UTRN: variants seen among roughly 807,000 people sequenced by gnomAD.
UTRN encodes the protein dystrophin-related protein 1.
Under a neutral mutation model 463.9 loss-of-function variants are expected in UTRN, and 283 were observed. The ratio of observed to expected loss-of-function variants is 0.61; its 90% CI spans 0.55 to 0.67. The LOEUF (loss-of-function observed/expected upper bound fraction) is 0.67, where lower values mean the gene tolerates loss of function less well. Among genes scored for constraint, UTRN ranks in the 30% least tolerant of loss-of-function variants. The pLI, the probability that UTRN is intolerant of heterozygous loss-of-function variation, is 0.00. For missense variants in UTRN, 3,922 were observed against 4,084.3 expected, an observed-to-expected ratio of 0.96 and a Z score of 1.08; for synonymous variants, 1,442 against 1,431.5, an observed-to-expected ratio of 1.01 and a Z score of -0.17.
chr6:144,423,645 T>C lies in UTRN; in HGVS notation c.312+19T>C. ...GAACAATGTAAGTGTGTAATGTGAGTTCTGGGGGTCTGTGCTGCCATCAGC... is the reference window on the plus strand; with the variant it reads ...GAACAATGTAAGTGTGTAATGTGAGCTCTGGGGGTCTGTGCTGCCATCAGC... On this transcript the variant is annotated intron_variant, in intron 5 of 74. Coordinates refer to ENST00000367545, the MANE Select transcript of UTRN (RefSeq NM_007124.3). 1 of 1,613,572 alleles carries C rather than the reference T, an allele frequency of 6.2e-7. No homozygotes were observed. The highest frequency in any genetic ancestry group is 8.5e-7 in the Non-Finnish European group (1 of 1,179,472).
chr6:144,499,487 G>C (rs1793980902), intron 34 of UTRN, 60 bp downstream of exon 34: 4 of 1,465,810 alleles, frequency 2.7e-6, no homozygotes, highest in Admixed American at 3.9e-5. Flanking sequence ...CATTTGTTCG[G>C]GCGACCTGGT....
rs1053901974 is a variant in UTRN, at chr6:144,482,338, A to G, written c.3637A>G (p.Asn1213Asp). The G allele has an allele frequency of 6.2e-7, 1 of 1,603,962 alleles. No individual in the cohort carries two copies. Among genetic ancestry groups the G allele is most frequent in the Non-Finnish European group, 8.5e-7 (1 of 1,177,556 alleles). The change falls in exon 27 of 75, where the codon AAT (asparagine) becomes GAT (aspartate). Residue 1213 changes from asparagine (N) to aspartate (D), a missense_variant. Physicochemically the swap from Asn to Asp is conservative, Grantham distance 23 (BLOSUM62 1). This residue lies in a region of UTRN where 2,349 missense variants were observed against 2,303.8 expected (regional missense o/e 1.02). Coordinates refer to ENST00000367545, the MANE Select transcript of UTRN (RefSeq NM_007124.3). ...GTCTGAGCTGAATGTTGTGCTGGAG[A>G]ATTACCAACTTCTTTGTAATAGAAT... ...LTSELNVVLE[N>D]YQLLCNRIRG...
In UTRN at chr6:144,673,202, G is replaced by C. The variant is rs1032225215; in HGVS notation, c.7480-5204G>C. On this transcript the variant is annotated intron_variant, in intron 51 of 74. Coordinates refer to ENST00000367545, the MANE Select transcript of UTRN (RefSeq NM_007124.3). ...ATCTGTTAAGCCCATTTGTTCTAGG[G>C]TATAGTTTAAGTTCATTGTTTCTTT... is the stretch of plus-strand genomic sequence containing the variant. Among the ~76,000 whole-genome samples the C allele has an allele frequency of 2.6e-5, 4 of 152,200 alleles. No individual in the cohort carries two copies. The East Asian group carries it at 7.7e-4, about 29-fold the overall frequency.
intron 2 of UTRN, among the ~76,000 whole-genome samples, chr6:144,372,609 C>T (rs990850383): frequency 2.0e-5 from 3 of 151,936 alleles, no homozygotes; most frequent in Admixed American, 2.0e-4. Context: ...ATTCTCCTCC[C>T]TCAACCTCCC....
rs12212750 is a variant in UTRN at position 144,581,391 on chromosome 6, A to G, written c.7479+4103A>G. On this transcript the variant is annotated intron_variant, in intron 51 of 74. Coordinates refer to ENST00000367545, the MANE Select transcript of UTRN (RefSeq NM_007124.3). ...GAAATGCTCTGATTCTTTGCTGGGT[A>G]AAATCCTGAGTTCTGCTGCCTTTCT... 6.8e-3 allele frequency among the ~76,000 whole-genome samples: 1,034 copies of G among 152,312 alleles called. 2 individuals are homozygous for G. Among genetic ancestry groups the G allele is most frequent in the Middle Eastern group, 0.024 (7 of 294 alleles).
In UTRN at chr6:144,727,752, G is replaced by A. The variant is rs187350801; in HGVS notation, c.7810-2605G>A. Among the ~76,000 whole-genome samples the A allele has an allele frequency of 3.0e-3, 452 of 150,944 alleles. 3 individuals are homozygous for A. The highest frequency in any genetic ancestry group is 4.6e-3 in the Non-Finnish European group (313 of 67,692). Reference sequence around the variant, plus strand: ...TGCACTCCAGCCTGGGCAACACAGCGAGACTCTGTCTCAAAAAACAAAACA... The same window carrying A: ...TGCACTCCAGCCTGGGCAACACAGCAAGACTCTGTCTCAAAAAACAAAACA... On this transcript the variant is annotated intron_variant, in intron 53 of 74. Transcript: ENST00000367545.
intron 65 of UTRN, among the ~76,000 whole-genome samples, chr6:144,809,968 G>T (rs1471001185): frequency 1.3e-5 from 2 of 152,128 alleles, no homozygotes; most frequent in Admixed American, 6.6e-5. Context: ...AGGAAGAGAA[G>T]ACCCAAAGAA....
chr6:144,792,231 C>G (rs1159193098), intron 62 of UTRN, among the ~76,000 whole-genome samples: 1 of 152,148 alleles, frequency 6.6e-6, no homozygotes, highest in Non-Finnish European at 1.5e-5. Context: ...AGTGTTAGAT[C>G]TAGCATTATA....
chr6:144,460,967 T>C (rs575037672), intron 21 of UTRN, among the ~76,000 whole-genome samples: 6 of 152,328 alleles, frequency 3.9e-5, no homozygotes, highest in African/African-American at 1.4e-4. Flanking sequence ...AGAAAAATTA[T>C]AGTGGGTTAG....
intron 51 of UTRN, among the ~76,000 whole-genome samples, chr6:144,650,096 A>T (rs151319336): frequency 4.6e-5 from 7 of 152,356 alleles, no homozygotes; most frequent in African/African-American, 1.7e-4. Flanking sequence ...ACAAAGGCAC[A>T]TCTTACATGG....
At chr6:144,494,340 G>A (rs1375877350) in intron 33 of UTRN, among the ~76,000 whole-genome samples, 3 of 151,994 alleles carry the variant, frequency 2.0e-5, no homozygotes, top group Non-Finnish European at 4.4e-5. Context: ...AGCTCTTAAG[G>A]CAGCGCATCT....
At chr6:144,642,244 A>G (rs1777846760) in intron 51 of UTRN, among the ~76,000 whole-genome samples, 2 of 152,222 alleles carry the variant, frequency 1.3e-5, no homozygotes, top group Admixed American at 6.5e-5. Flanking sequence ...TTTAATATGT[A>G]GTGTGGGTCC....
chr6:144,829,731 A>C (rs1482763018), intron 69 of UTRN, among the ~76,000 whole-genome samples: 1 of 151,122 alleles, frequency 6.6e-6, no homozygotes, highest in Non-Finnish European at 1.5e-5. Context: ...AAAACTATGG[A>C]GAGTGCTAGG....
chr6:144,662,743 A>G (rs1779998742), intron 51 of UTRN, among the ~76,000 whole-genome samples: 1 of 152,214 alleles, frequency 6.6e-6, no homozygotes, highest in Non-Finnish European at 1.5e-5. Context: ...ATGGTGGCTA[A>G]TCTGGAAAGT....
intron 1 of UTRN, among the ~76,000 whole-genome samples, chr6:144,290,000 T>A (rs1804061471): frequency 6.6e-6 from 1 of 152,342 alleles, no homozygotes; most frequent in South Asian, 2.1e-4. Flanking sequence ...TTTCTGTCTG[T>A]CTGTGTGTAT....
chr6:144,771,803 TA>T, intron 58 of UTRN, 103 bp from the exon 59 acceptor site: 1 of 902,652 alleles, frequency 1.1e-6, no homozygotes, highest in Non-Finnish European at 1.6e-6. Flanking sequence ...CATGTATTTT[TA>T]AAAATTTGAA....
chr6:144,596,061 C>T (rs1174571511), intron 51 of UTRN, among the ~76,000 whole-genome samples: 1 of 152,120 alleles, frequency 6.6e-6, no homozygotes, highest in Non-Finnish European at 1.5e-5. Context: ...AAAAGCTGAG[C>T]AGTAAGCTTG....
chr6:144,590,843 TACACACACACACACACAC>T (rs10531216), intron 51 of UTRN, among the ~76,000 whole-genome samples: 8 of 145,900 alleles, frequency 5.5e-5, no homozygotes, highest in Non-Finnish European at 1.2e-4. Flanking sequence ...TCTCTCAATC[TACACACACACACACACAC>T]ACACACACAC....
chr6:144,440,443 C>T lies in UTRN; in HGVS notation c.1484C>T (p.Ala495Val), dbSNP rs750441894. The T allele has an allele frequency of 5.5e-5, 88 of 1,614,152 alleles. No individual in the cohort carries two copies. Among genetic ancestry groups the T allele is most frequent in the Non-Finnish European group, 7.5e-5 (88 of 1,180,010 alleles). The stretch of plus-strand genomic sequence containing the variant: ...GTTGATGAAAACAGTGGTGAGAGTG[C>T]TACAGCTATCCTAGAAGACCAGTTA... ...VIVDENSGES[A>V]TAILEDQLQK... Residue 495 changes from alanine to valine, a missense_variant, in exon 13 of 75, where the codon GCT (alanine) becomes GTT (valine). Ala to Val is a moderately conservative substitution (Grantham distance 64). Coordinates refer to ENST00000367545, the MANE Select transcript of UTRN (RefSeq NM_007124.3).
Sources: allele counts gnomAD v4.1 joint callset (sites outside exome capture counted in the v4.1 genomes callset), GRCh38; gene constraint gnomAD v4.1.1; regional missense constraint gnomAD v4.1.1; transcripts MANE v1.5; gene names NCBI Gene and HGNC (gene_info 2026-07-23, HGNC 2026-07-21).